Variants in SPAG16 observed in about 807,000 individuals in gnomAD.
SPAG16 encodes sperm associated antigen 16, also known as sperm-associated antigen 16 protein.
A neutral mutation model predicts 80.4 loss-of-function variants in SPAG16; 86 were observed. That is an observed-to-expected ratio of 1.07 (90% CI 0.90 to 1.28). The LOEUF (loss-of-function observed/expected upper bound fraction) is 1.28. Ranked by LOEUF, SPAG16 falls within the 50% of genes most tolerant of loss-of-function variation. The pLI, the probability that SPAG16 is intolerant of heterozygous loss-of-function variation, is 0.00. For synonymous variants in SPAG16, 294 were observed against 265.9 expected (o/e 1.11, Z -1.03); for missense variants, 870 against 765.3 (o/e 1.14, Z -1.61).
chr2:213,417,876 AT>A (rs5838381), intron 9 of SPAG16, among the ~76,000 whole-genome samples: 2,090 of 146,588 alleles, frequency 0.014, 21 homozygotes, highest in South Asian at 0.041. Context: ...TTGTGTTTCA[AT>A]TTTTTTTTTT....
At chr2:214,121,903 T>C (rs944182902) in intron 14 of SPAG16, among the ~76,000 whole-genome samples, 2 of 151,872 alleles carry the variant, frequency 1.3e-5, no homozygotes, top group South Asian at 4.1e-4. Flanking sequence ...TATTACATTA[T>C]GTATATGCAA....
intron 10 of SPAG16, among the ~76,000 whole-genome samples, chr2:213,694,633 C>G (rs960437425): frequency 3.3e-5 from 5 of 152,074 alleles, no homozygotes; most frequent in Admixed American, 3.3e-4. Context: ...ATAATCTGGA[C>G]ATTGCTGTTA....
intron 15 of SPAG16, among the ~76,000 whole-genome samples, chr2:214,278,783 A>G (rs1307746837): frequency 1.3e-5 from 2 of 152,298 alleles, no homozygotes; most frequent in East Asian, 3.9e-4. Context: ...GGAATAATTT[A>G]TTTTCTTAAT....
chr2:213,332,731 A>C (rs910901348), intron 5 of SPAG16, among the ~76,000 whole-genome samples: 2 of 152,226 alleles, frequency 1.3e-5, no homozygotes, highest in Non-Finnish European at 2.9e-5. Flanking sequence ...TATGCAAGTT[A>C]ATCAGTGTGA....
chr2:213,489,689 T>C (rs1197847857), intron 9 of SPAG16, among the ~76,000 whole-genome samples: 1 of 152,128 alleles, frequency 6.6e-6, no homozygotes, highest in Admixed American at 6.5e-5. Flanking sequence ...TATATTGTGC[T>C]TCATTGGAAT....
chr2:213,481,633 C>T (rs1280031668), intron 9 of SPAG16, among the ~76,000 whole-genome samples: 2 of 152,166 alleles, frequency 1.3e-5, no homozygotes, highest in East Asian at 1.9e-4. Flanking sequence ...ATGGGGGCAA[C>T]CAGTATGGCT....
At chr2:214,103,178 C>T (rs191091655) in intron 13 of SPAG16, among the ~76,000 whole-genome samples, 2 of 152,274 alleles carry the variant, frequency 1.3e-5, no homozygotes, top group East Asian at 3.9e-4. Context: ...TCCCTGGGGC[C>T]TGCATTCAAT....
intron 9 of SPAG16, among the ~76,000 whole-genome samples, chr2:213,406,954 A>C (rs1437344078): frequency 6.7e-6 from 1 of 148,710 alleles, no homozygotes; most frequent in Non-Finnish European, 1.5e-5. Context: ...AAAAAAAAAA[A>C]AAAGGGAAAA....
At chr2:213,869,263 A>AT (rs1453451372) in intron 11 of SPAG16, among the ~76,000 whole-genome samples, 1,659 of 24,296 alleles carry the variant, frequency 0.068, 28 homozygotes, top group Admixed American at 0.1. Flanking sequence ...CAAAAAAAAA[A>AT]AATATATATA....
intron 10 of SPAG16, among the ~76,000 whole-genome samples, chr2:213,847,455 G>A (rs951263412): frequency 5.2e-4 from 79 of 152,112 alleles, no homozygotes; most frequent in Admixed American, 1.4e-3. Context: ...AAAAGCAAGA[G>A]CAAGAGAGAA....
chr2:213,889,913 T>C (rs1315572292), intron 11 of SPAG16, among the ~76,000 whole-genome samples: 1 of 151,838 alleles, frequency 6.6e-6, no homozygotes, highest in East Asian at 1.9e-4. Flanking sequence ...CCTCTGAATA[T>C]AATACTGTAA....
chr2:213,951,583 C>A (rs1411943810), intron 12 of SPAG16, among the ~76,000 whole-genome samples: 2 of 152,024 alleles, frequency 1.3e-5, no homozygotes, highest in African/African-American at 4.8e-5. Flanking sequence ...GACTTCATTC[C>A]CACTTCATTT....
chr2:214,150,283 A>G (rs187686743), intron 15 of SPAG16, among the ~76,000 whole-genome samples: 2 of 152,194 alleles, frequency 1.3e-5, no homozygotes, highest in Admixed American at 1.3e-4. Flanking sequence ...TGAAATTTAG[A>G]AAATGGTAAG....
At chr2:213,733,797 G>C (rs144358295) in intron 10 of SPAG16, among the ~76,000 whole-genome samples, 106 of 152,194 alleles carry the variant, frequency 7.0e-4, no homozygotes, top group African/African-American at 2.5e-3. Flanking sequence ...AGTGACTTCA[G>C]TTCTCTGATA....
At chr2:213,734,326 T>A (rs920924641) in intron 10 of SPAG16, among the ~76,000 whole-genome samples, 13 of 152,176 alleles carry the variant, frequency 8.5e-5, no homozygotes, top group Admixed American at 8.5e-4. Context: ...GGTGTCAGTT[T>A]TTAGAAGTGA....
intron 13 of SPAG16, among the ~76,000 whole-genome samples, chr2:214,090,912 A>G (rs1020697200): frequency 2.2e-4 from 33 of 152,010 alleles, no homozygotes; most frequent in African/African-American, 8.0e-4. Context: ...GAGATTAATA[A>G]ACAAAAAATG....
chr2:214,215,875 G>A (rs2125761681), intron 15 of SPAG16, among the ~76,000 whole-genome samples: 1 of 152,254 alleles, frequency 6.6e-6, no homozygotes, highest in East Asian at 1.9e-4. Flanking sequence ...ATTCAGTCTA[G>A]ATCCTAATCC....
chr2:214,208,726 T>C (rs1380215455), intron 15 of SPAG16, among the ~76,000 whole-genome samples: 1 of 152,032 alleles, frequency 6.6e-6, no homozygotes. Context: ...TATAAATAAC[T>C]CCCACATGCT....
intron 15 of SPAG16, among the ~76,000 whole-genome samples, chr2:214,321,147 A>G (rs573509291): frequency 1.3e-3 from 198 of 152,334 alleles, no homozygotes; most frequent in African/African-American, 4.6e-3. Context: ...GATAATGGCT[A>G]TCAGAGAAAG....
Sources: gnomAD v4.1 joint callset for allele counts (sites outside exome capture counted in the v4.1 genomes callset) on GRCh38, gnomAD v4.1.1 for gene constraint, MANE v1.5 for transcripts, NCBI Gene and HGNC (gene_info 2026-07-23, HGNC 2026-07-21) for gene names.